SOS1: variants seen among roughly 807,000 people sequenced by gnomAD.
The protein encoded by SOS1 is son of sevenless homolog 1.
A neutral mutation model predicts 157.6 loss-of-function variants in SOS1; 25 were observed. That is an observed-to-expected ratio of 0.16 (90% CI 0.12 to 0.22). The LOEUF (loss-of-function observed/expected upper bound fraction) is 0.22, where lower values mean the gene tolerates loss of function less well. Ranked by LOEUF, SOS1 falls within the 10% of genes least tolerant of loss-of-function variation. The pLI is 1.00. For missense variants in SOS1, 1,237 were observed against 1,599.1 expected (o/e 0.77, Z 3.86); for synonymous variants, 528 against 534.0 (o/e 0.99, Z 0.16).
intron 6 of SOS1, among the ~76,000 whole-genome samples, chr2:39,037,822 C>A (rs1255725654): frequency 6.6e-6 from 1 of 152,014 alleles, no homozygotes; most frequent in African/African-American, 2.4e-5. Context: ...TCTGGGTGTG[C>A]CCTATAAATG....
At chr2:39,118,028 G>A (rs1020610020) in intron 1 of SOS1, among the ~76,000 whole-genome samples, 2 of 152,188 alleles carry the variant, frequency 1.3e-5, no homozygotes, top group Non-Finnish European at 2.9e-5. Context: ...AATAAAATGT[G>A]GGTAAGATAT....
intron 20 of SOS1, among the ~76,000 whole-genome samples, 163 bp from the exon 21 acceptor site, chr2:38,989,477 A>C (rs1668661079): frequency 6.6e-6 from 1 of 152,172 alleles, no homozygotes; most frequent in South Asian, 2.1e-4. Flanking sequence ...TTTGAGAAGA[A>C]AAAAATGATA....
upstream of SOS1, among the ~76,000 whole-genome samples, chr2:39,123,341 G>A (rs1673961680): frequency 6.6e-6 from 1 of 151,754 alleles, no homozygotes; most frequent in South Asian, 2.1e-4. Flanking sequence ...CTCCTAGAGA[G>A]AGAGAAACAA....
intron 4 of SOS1, among the ~76,000 whole-genome samples, chr2:39,056,184 C>T (rs1359054343): frequency 6.6e-6 from 1 of 152,090 alleles, no homozygotes; most frequent in African/African-American, 2.4e-5. Context: ...AATTCCAGCA[C>T]TTTGGGAGGC....
rs142666652 is a variant in SOS1, at chr2:39,013,462, C to T, written c.2165G>A (p.Arg722Lys). ...QRMEEFIGTV[R>K]GKAMKKWVES... is the part of the protein sequence containing the mutation. ...GGCACCTAAAAAAAAAAACATACCTCTTACTGTTCCAATAAATTCTTCCAT... is the reference window on the plus strand; with the variant it reads ...GGCACCTAAAAAAAAAAACATACCTTTTACTGTTCCAATAAATTCTTCCAT... Residue 722 changes from arginine (R) to lysine (K), a missense_variant and splice_region_variant, in exon 13 of 23, where the codon AGA becomes AAA. Physicochemically the swap from Arg to Lys is conservative, Grantham distance 26 (BLOSUM62 2). Transcript: ENST00000402219. 139 of 1,591,100 alleles carry T rather than the reference C, an allele frequency of 8.7e-5. 1 individual carries two copies. The highest frequency in any genetic ancestry group is 1.1e-4 in the Non-Finnish European group (130 of 1,159,550).
Position 39,013,563 on chromosome 2 carries a change from T to C in SOS1, c.2064A>G (p.Arg688=). 3.2e-6 allele frequency: 5 copies of C among 1,553,596 alleles called. No homozygotes were observed. Among genetic ancestry groups the C allele is most frequent in the Non-Finnish European group, 4.4e-6 (5 of 1,124,870 alleles). ...RKEYIQPVQL[R]VLNVCRHWVE... Reference sequence around the variant, plus strand: ...CCCAGTGCCGACATACATTTAATACTCTATGGCATTAACACAGAATTGAAT... The same window carrying C: ...CCCAGTGCCGACATACATTTAATACCCTATGGCATTAACACAGAATTGAAT... The change falls in exon 13 of 23, where the codon CGA becomes CGG. Residue 688 remains arginine, a splice_region_variant and synonymous_variant. Transcript: ENST00000402219.
rs1673010873 is a variant in SOS1 at position 39,102,560 on chromosome 2, A to AATT, written c.87+17773_87+17775dup. On this transcript the variant is annotated intron_variant, in intron 1 of 22. Transcript: ENST00000402219. ...AAAAAAAAAAAAAAAAAAAAAGAAGAATTCCGCTTCGTTTTAAAAGGGTTA... is the reference window on the plus strand; with the variant it reads ...AAAAAAAAAAAAAAAAAAAAAGAAGAATTATTCCGCTTCGTTTTAAAAGGGTTA... Among the ~76,000 whole-genome samples, 3 of 148,040 alleles carry AATT rather than the reference A, an allele frequency of 2.0e-5. No homozygotes were observed. In the Admixed American group the frequency reaches 2.0e-4, roughly 10 times the overall value.
rs764755988 is a variant in SOS1 at position 38,987,438 on chromosome 2, T to A, written c.3510+35A>T. ...CGTTTATTATAATGAACTGTAATGA[T>A]TCCAATTTCTACACAACAAGATTTC... On this transcript the variant is annotated intron_variant, in intron 22 of 22. Coordinates refer to ENST00000402219, the MANE Select transcript of SOS1 (RefSeq NM_005633.4). 7.4e-6 allele frequency: 8 copies of A among 1,084,532 alleles called. No homozygotes were observed. In the African/African-American group the frequency reaches 1.2e-4, roughly 17 times the overall value. The allele number at this position is 1,084,532 out of a possible 1,614,324, so 67.2% of individuals were successfully genotyped here. A position where few individuals can be genotyped will look rare whatever the true frequency, so the allele number is the denominator to read the frequency against.
At chr2:39,036,304 C>T (rs1227321250) in intron 6 of SOS1, among the ~76,000 whole-genome samples, 1 of 152,034 alleles carries the variant, frequency 6.6e-6, no homozygotes, top group Non-Finnish European at 1.5e-5. Context: ...AATGAAACAA[C>T]GAAAGGTTGT....
chr2:39,063,072 A>G (rs1671465907), intron 2 of SOS1, among the ~76,000 whole-genome samples: 1 of 152,170 alleles, frequency 6.6e-6, no homozygotes, highest in Non-Finnish European at 1.5e-5. Context: ...TTTTTTTAAA[A>G]ATAAAAAAAT....
At chr2:39,048,910 A>T (rs889717898) in intron 6 of SOS1, among the ~76,000 whole-genome samples, 2 of 151,918 alleles carry the variant, frequency 1.3e-5, no homozygotes, top group Non-Finnish European at 2.9e-5. Context: ...ATGTATATTA[A>T]ACCTCTCAGT....
Position 39,014,780 on chromosome 2 carries a change from C to T in SOS1, c.1925G>A (p.Ser642Asn), listed in dbSNP as rs1255590207. The change falls in exon 11 of 23, where the codon AGT becomes AAT. Residue 642 changes from serine (S) to asparagine (N), a missense_variant. Ser to Asn is a conservative substitution (Grantham distance 46, BLOSUM62 1). Coordinates refer to ENST00000402219, the MANE Select transcript of SOS1 (RefSeq NM_005633.4). ...ATGGACAGACCTTTCTATTATAAGA[C>T]TCAGTAGTTCTTGAGGTTTGCAAAA... ...RSFCKPQELL[S>N]LIIERFEIPE... 6.4e-7 allele frequency: 1 copy of T among 1,562,504 alleles called. No individual in the cohort carries two copies.
At chr2:39,004,482 TA>T (rs1669222430) in intron 17 of SOS1, among the ~76,000 whole-genome samples, 1 of 150,766 alleles carries the variant, frequency 6.6e-6, no homozygotes, top group Non-Finnish European at 1.5e-5. Context: ...AAACCTAGAT[TA>T]ACAAATAAAT....
intron 20 of SOS1, among the ~76,000 whole-genome samples, chr2:38,990,167 TTCG>T (rs1668686167): frequency 6.6e-6 from 1 of 151,438 alleles, no homozygotes; most frequent in African/African-American, 2.4e-5. Flanking sequence ...AAATTCAGAT[TTCG>T]TTTTTTTTTT....
At chr2:39,098,275 A>T in intron 1 of SOS1, 1 of 256,276 alleles carries the variant, frequency 3.9e-6, no homozygotes, top group Non-Finnish European at 7.9e-6. Flanking sequence ...TAACTGGTTA[A>T]CTCTCCACCC....
chr2:39,029,700 T>C (rs1226475499), intron 8 of SOS1, among the ~76,000 whole-genome samples: 1 of 152,150 alleles, frequency 6.6e-6, no homozygotes, highest in South Asian at 2.1e-4. Flanking sequence ...AGTAATACAA[T>C]AGTTAGCTGT....
At position 39,030,910 on chromosome 2, in the gene SOS1, T is replaced by G. The variant is rs997588963; in HGVS notation, c.1074+4302A>C. ...AGACACATAGAGAAGAACGTGAAGC[T>G]GTGAAGAAGCTGATGTGCAGATGGA... On this transcript the variant is annotated intron_variant, in intron 8 of 22. Transcript: ENST00000402219. 2.0e-5 allele frequency among the ~76,000 whole-genome samples: 3 copies of G among 152,132 alleles called. No individual in the cohort carries two copies. The East Asian group carries it at 5.8e-4, about 29-fold the overall frequency.
chr2:39,027,255 C>T (rs1404877760), intron 8 of SOS1, among the ~76,000 whole-genome samples: 2 of 152,044 alleles, frequency 1.3e-5, no homozygotes, highest in Non-Finnish European at 2.9e-5. Context: ...GATTTTCTAT[C>T]CTAAAAATGT....
chr2:39,031,294 A>G (rs1670151677), intron 8 of SOS1, among the ~76,000 whole-genome samples: 1 of 152,182 alleles, frequency 6.6e-6, no homozygotes, highest in African/African-American at 2.4e-5. Flanking sequence ...TCTCTAGGGA[A>G]TTCAAAGTCA....
Sources: gnomAD v4.1 joint callset for allele counts (sites outside exome capture counted in the v4.1 genomes callset) on GRCh38, gnomAD v4.1.1 for gene constraint, MANE v1.5 for transcripts, NCBI Gene and HGNC (gene_info 2026-07-23, HGNC 2026-07-21) for gene names.